Variants in UNC5A observed in about 807,000 individuals in gnomAD.
UNC5A encodes the protein unc-5 netrin receptor A, also known as netrin receptor UNC5A.
UNC5A carries 20 observed loss-of-function variants against 87.4 expected under a neutral mutation model. That is an observed-to-expected ratio of 0.23 (90% CI 0.16 to 0.33). The LOEUF (loss-of-function observed/expected upper bound fraction) is 0.33, where lower values mean the gene tolerates loss of function less well. Among genes scored for constraint, UNC5A ranks in the 10% least tolerant of loss-of-function variants. The pLI, the probability that UNC5A is intolerant of heterozygous loss-of-function variation, is 1.00. For synonymous variants in UNC5A, 438 were observed against 482.3 expected, an observed-to-expected ratio of 0.91 and a Z score of 1.20; for missense variants, 844 against 1,133.4, an observed-to-expected ratio of 0.74 and a Z score of 3.67.
rs1757203929 is a variant in UNC5A at position 176,838,890 on chromosome 5, C to A, written c.71-23734C>A. Among the ~76,000 whole-genome samples the A allele has an allele frequency of 6.6e-6, 1 of 152,200 alleles. No homozygotes were observed. ...AGCATTGGTTTAAGCCAATCAGGGTCCATCCCTGAAGCTGGTAGGGGTCAT... is the reference window on the plus strand; with the variant it reads ...AGCATTGGTTTAAGCCAATCAGGGTACATCCCTGAAGCTGGTAGGGGTCAT... On this transcript the variant is annotated intron_variant, in intron 1 of 14. Coordinates refer to ENST00000329542, the MANE Select transcript of UNC5A (RefSeq NM_133369.3). The surrounding 1 kb of genome is among the most constrained non-coding windows in gnomAD (Gnocchi z 4.2).
In UNC5A at chr5:176,877,882, C is replaced by G. The variant is rs1444138299; in HGVS notation, c.1636-12C>G. 6.3e-7 allele frequency: 1 copy of G among 1,595,422 alleles called. No individual in the cohort carries two copies. Among genetic ancestry groups the G allele is most frequent in the Non-Finnish European group, 8.5e-7 (1 of 1,174,964 alleles). ...GGCTGGGCCGAATTGACCCACTGACCCCTGCCCACAGGATGTGCTGCACCT... is the reference window on the plus strand; with the variant it reads ...GGCTGGGCCGAATTGACCCACTGACGCCTGCCCACAGGATGTGCTGCACCT... On this transcript the variant is annotated splice_polypyrimidine_tract_variant and intron_variant, in intron 10 of 14. Transcript: ENST00000329542.
chr5:176,878,960 G>C (rs1188777341), intron 13 of UNC5A, among the ~76,000 whole-genome samples: 1 of 152,222 alleles, frequency 6.6e-6, no homozygotes, highest in Admixed American at 6.5e-5. Context: ...TTAAGGGGAA[G>C]AGCATTTCTG....
chr5:176,857,537 A>G (rs1418046900), intron 1 of UNC5A, among the ~76,000 whole-genome samples: 2 of 151,880 alleles, frequency 1.3e-5, no homozygotes, highest in South Asian at 2.1e-4. Context: ...ACACATGCGC[A>G]CACACACACA....
rs1366338598 is a variant in UNC5A at position 176,875,389 on chromosome 5, CT to C, written c.1378+825del. ...TCCCCCAGAGCCTCCCCATTCCTGG[CT>C]TCCCCCAGTTCACGGATCGTCTAGT... is the stretch of plus-strand genomic sequence containing the variant. On this transcript the variant is annotated intron_variant, in intron 8 of 14. Transcript: ENST00000329542. This position sits in a 1 kb window ranked among gnomAD's most constrained non-coding sequence, Gnocchi z 5.2. Among the ~76,000 whole-genome samples the C allele has an allele frequency of 2.0e-5, 3 of 152,066 alleles. No individual in the cohort carries two copies.
At position 176,851,171 on chromosome 5, in the gene UNC5A, G is replaced by A. The variant is rs376972500; in HGVS notation, c.71-11453G>A. Among the ~76,000 whole-genome samples, 4 of 152,384 alleles carry A rather than the reference G, an allele frequency of 2.6e-5. No homozygotes were observed. The East Asian group carries it at 7.7e-4, about 29-fold the overall frequency. Reference sequence around the variant, plus strand: ...GAACCCATCGCTCTCGACTTACTGTGCCTCTCCATGCCTCAGTTTCTTCAT... The same window carrying A: ...GAACCCATCGCTCTCGACTTACTGTACCTCTCCATGCCTCAGTTTCTTCAT... On this transcript the variant is annotated intron_variant, in intron 1 of 14. Transcript: ENST00000329542.
At chr5:176,863,652 T>G (rs977600776) in intron 2 of UNC5A, among the ~76,000 whole-genome samples, 3 of 151,638 alleles carry the variant, frequency 2.0e-5, no homozygotes, top group African/African-American at 7.3e-5. Context: ...TTGTCTGGGT[T>G]CCGCAACTCC....
chr5:176,848,412 G>A lies in UNC5A; in HGVS notation c.71-14212G>A, dbSNP rs2113632155. Among the ~76,000 whole-genome samples the A allele has an allele frequency of 6.6e-6, 1 of 152,252 alleles. No homozygotes were observed. The highest frequency in any genetic ancestry group is 2.1e-4 in the South Asian group (1 of 4,818). On this transcript the variant is annotated intron_variant, in intron 1 of 14. Coordinates refer to ENST00000329542, the MANE Select transcript of UNC5A (RefSeq NM_133369.3). This position sits in a 1 kb window ranked among gnomAD's most constrained non-coding sequence, Gnocchi z 5.8. ...TCCTCCATGTTCCTCCAAGACCCTA[G>A]AGCCCATTAAAGGGGCAGGAAAGAT...
At chr5:176,840,697 G>T (rs906928037) in intron 1 of UNC5A, among the ~76,000 whole-genome samples, 1 of 152,184 alleles carries the variant, frequency 6.6e-6, no homozygotes, top group Non-Finnish European at 1.5e-5. Context: ...TGGCCCAGGC[G>T]TCCCTGGTGC....
intron 1 of UNC5A, among the ~76,000 whole-genome samples, chr5:176,821,615 A>G (rs1361273290): frequency 1.3e-5 from 2 of 152,190 alleles, no homozygotes; most frequent in South Asian, 2.1e-4. Context: ...GCCAATTTCC[A>G]TGGTGTAAAT....
chr5:176,817,606 G>A (rs959665060), intron 1 of UNC5A, among the ~76,000 whole-genome samples: 7 of 107,504 alleles, frequency 6.5e-5, no homozygotes, highest in South Asian at 6.9e-4. Context: ...AAATGTGCCC[G>A]TCACTGGCGG....
intron 1 of UNC5A, among the ~76,000 whole-genome samples, chr5:176,835,427 G>T (rs1375125367): frequency 2.0e-5 from 3 of 152,206 alleles, no homozygotes; most frequent in African/African-American, 7.2e-5. Context: ...CCCCATCCCG[G>T]ATTCTGTAAC....
intron 14 of UNC5A, 57 bp downstream of exon 14, chr5:176,879,545 G>A (rs1042002770): frequency 8.4e-6 from 13 of 1,553,788 alleles, no homozygotes; most frequent in African/African-American, 1.4e-5. Context: ...CCTGCCCGGC[G>A]GCGGGGTGGG....
chr5:176,868,683 C>T lies in UNC5A; in HGVS notation c.540+19C>T. 1 of 1,599,898 alleles carries T rather than the reference C, an allele frequency of 6.3e-7. No homozygotes were observed. The highest frequency in any genetic ancestry group is 8.5e-7 in the Non-Finnish European group (1 of 1,171,424). Reference sequence around the variant, plus strand: ...AGCCGAGGTGAGGGCTCCTCTAGTGCCCACGTCTGGACCTGGGCTCCTGCC... The same window carrying T: ...AGCCGAGGTGAGGGCTCCTCTAGTGTCCACGTCTGGACCTGGGCTCCTGCC... On this transcript the variant is annotated intron_variant, in intron 4 of 14. Coordinates refer to ENST00000329542, the MANE Select transcript of UNC5A (RefSeq NM_133369.3).
Position 176,857,163 on chromosome 5 carries a change from G to A in UNC5A, c.71-5461G>A, listed in dbSNP as rs532921383. ...CTACCTTCTCTGCTGCACTTAGTCC[G>A]CCCCTTCTACCTTCTCTGCTGCACT... is the stretch of plus-strand genomic sequence containing the variant. On this transcript the variant is annotated intron_variant, in intron 1 of 14. Coordinates refer to ENST00000329542, the MANE Select transcript of UNC5A (RefSeq NM_133369.3). Among the ~76,000 whole-genome samples, 70 of 152,282 alleles carry A rather than the reference G, an allele frequency of 4.6e-4. 1 individual carries two copies. The highest frequency in any genetic ancestry group is 1.4e-3 in the African/African-American group (58 of 41,560).
chr5:176,812,333 TTC>T (rs1561634448), intron 1 of UNC5A, among the ~76,000 whole-genome samples: 1 of 152,146 alleles, frequency 6.6e-6, no homozygotes, highest in Non-Finnish European at 1.5e-5. Flanking sequence ...TGGAAATGTT[TTC>T]TGAGTTGATG....
At chr5:176,834,732 C>CCCT (rs2113612471) in intron 1 of UNC5A, among the ~76,000 whole-genome samples, 1 of 146,800 alleles carries the variant, frequency 6.8e-6, no homozygotes, top group Non-Finnish European at 1.5e-5. Context: ...TCCCTCCTCT[C>CCCT]CCTCTCCCTC....
rs1423197186 is a variant in UNC5A, at chr5:176,869,081, G to T, written c.721+117G>T. On this transcript the variant is annotated intron_variant, in intron 5 of 14. Coordinates refer to ENST00000329542, the MANE Select transcript of UNC5A (RefSeq NM_133369.3). This position sits in a 1 kb window ranked among gnomAD's most constrained non-coding sequence, Gnocchi z 9.1. ...GCCAAAGCCAGGTGGACCAGATCGT[G>T]CCTGACTAGGCAGGATAAGCAAAGG... The T allele has an allele frequency of 4.2e-6, 5 of 1,189,674 alleles. No individual in the cohort carries two copies. Among genetic ancestry groups the T allele is most frequent in the East Asian group, 5.1e-5 (2 of 38,972 alleles). The allele number at this position is 1,189,674 out of a possible 1,614,324, so 73.7% of individuals were successfully genotyped here. A position where few individuals can be genotyped will look rare whatever the true frequency, so the allele number is the denominator to read the frequency against.
Position 176,874,175 on chromosome 5 carries a change from C to G in UNC5A, c.1075+19C>G, listed in dbSNP as rs773174467. Reference sequence around the variant, plus strand: ...AAAGCAGGTGAGGGGCCCCGTGCCCCCAGCACTCCTGCCCCAGCTCCCACG... The same window carrying G: ...AAAGCAGGTGAGGGGCCCCGTGCCCGCAGCACTCCTGCCCCAGCTCCCACG... On this transcript the variant is annotated intron_variant, in intron 7 of 14. Coordinates refer to ENST00000329542, the MANE Select transcript of UNC5A (RefSeq NM_133369.3). The surrounding 1 kb of genome is among the most constrained non-coding windows in gnomAD (Gnocchi z 7.6). 1.9e-6 allele frequency: 3 copies of G among 1,610,304 alleles called. No individual in the cohort carries two copies. Among genetic ancestry groups the G allele is most frequent in the Admixed American group, 1.7e-5 (1 of 59,912 alleles).
intron 1 of UNC5A, among the ~76,000 whole-genome samples, chr5:176,830,677 AGT>A (rs1157935491): frequency 2.5e-5 from 1 of 39,654 alleles, no homozygotes; most frequent in Non-Finnish European, 4.8e-5. Flanking sequence ...TGTGTGTGGG[AGT>A]GTGTGCTGGC....
Sources: gnomAD v4.1 joint callset for allele counts (sites outside exome capture counted in the v4.1 genomes callset) on GRCh38, gnomAD v4.1.1 for gene constraint, Gnocchi (gnomAD v3.1) non-coding constraint, MANE v1.5 for transcripts, NCBI Gene and HGNC (gene_info 2026-07-23, HGNC 2026-07-21) for gene names.